ADCY2: variants seen among roughly 807,000 people sequenced by gnomAD.
ADCY2 encodes adenylate cyclase type 2.
ADCY2 carries 31 observed loss-of-function variants against 125.2 expected under a neutral mutation model. The ratio of observed to expected loss-of-function variants is 0.25; its 90% confidence interval spans 0.19 to 0.33. The LOEUF is 0.33. Ranked by LOEUF, ADCY2 falls within the 10% of genes least tolerant of loss-of-function variation. ADCY2 has a pLI of 1.00. For missense variants in ADCY2, 904 were observed against 1,418.2 expected (o/e 0.64, Z 5.82); for synonymous variants, 512 against 548.4 (o/e 0.93, Z 0.93).
At chr5:7,771,067 A>C (rs760222407) in intron 17 of ADCY2, among the ~76,000 whole-genome samples, 15 of 152,204 alleles carry the variant, frequency 9.9e-5, no homozygotes, top group Admixed American at 5.9e-4. Flanking sequence ...TCTTCTAAGC[A>C]ACATGGAGCA....
chr5:7,693,406 GTTTTTTGT>G (rs1740775017), intron 5 of ADCY2, among the ~76,000 whole-genome samples: 31 of 58,626 alleles, frequency 5.3e-4, no homozygotes, highest in South Asian at 7.4e-4. Context: ...ATTGCCTGCT[GTTTTTTGT>G]TTTTTTTTTT....
intron 3 of ADCY2, among the ~76,000 whole-genome samples, chr5:7,558,719 G>A (rs76370469): frequency 6.6e-6 from 1 of 152,230 alleles, no homozygotes; most frequent in South Asian, 2.1e-4. Flanking sequence ...TGCTTCTGTT[G>A]TGATTGCTTT....
intron 15 of ADCY2, among the ~76,000 whole-genome samples, chr5:7,755,068 G>A (rs1742946443): frequency 6.6e-6 from 1 of 152,190 alleles, no homozygotes; most frequent in Non-Finnish European, 1.5e-5. Context: ...CTTGCTGCAT[G>A]ACAGATTTCC....
At chr5:7,470,388 C>G (rs1021990910) in intron 2 of ADCY2, among the ~76,000 whole-genome samples, 1 of 151,226 alleles carries the variant, frequency 6.6e-6, no homozygotes, top group Non-Finnish European at 1.5e-5. Flanking sequence ...TTGTTTAGCT[C>G]TTTTAGAATT....
intron 2 of ADCY2, among the ~76,000 whole-genome samples, chr5:7,427,590 T>C (rs536286579): frequency 8.5e-5 from 13 of 152,196 alleles, no homozygotes; most frequent in African/African-American, 2.6e-4. Context: ...GGAACTACAA[T>C]TGAAGATGAG....
chr5:7,577,794 A>G (rs1041757535), intron 3 of ADCY2, among the ~76,000 whole-genome samples: 4 of 152,214 alleles, frequency 2.6e-5, no homozygotes, highest in Admixed American at 6.5e-5. Context: ...TGAGTTTGTT[A>G]CTTGACTCCC....
intron 24 of ADCY2, 45 bp downstream of exon 24, chr5:7,820,734 T>C: frequency 6.3e-7 from 1 of 1,584,002 alleles, no homozygotes; most frequent in Non-Finnish European, 8.6e-7. Context: ...ACCATGTCTG[T>C]TCTCTTGGGA....
chr5:7,766,785 G>A lies in ADCY2; in HGVS notation c.2193G>A (p.Ala731=), dbSNP rs750860134. Residue 731 remains alanine, a synonymous_variant, in exon 17 of 25, where the codon GCG becomes GCA. Transcript: ENST00000338316. The stretch of plus-strand genomic sequence containing the variant: ...ATAATCAGGTGGCGATTCTGCGTGC[G>A]CAGAATTTATTTTTCCTCCCGGTAA... ...ASNNQVAILR[A]QNLFFLPYFI... The A allele has an allele frequency of 1.9e-5, 30 of 1,609,120 alleles. No homozygotes were observed. The highest frequency in any genetic ancestry group is 1.5e-4 in the South Asian group (13 of 89,642).
intron 7 of ADCY2, among the ~76,000 whole-genome samples, 156 bp from the exon 8 acceptor site, chr5:7,706,588 C>T (rs1442877342): frequency 1.3e-5 from 2 of 152,222 alleles, no homozygotes; most frequent in African/African-American, 4.8e-5. Flanking sequence ...AAAATCCCTT[C>T]TTAGCTCAGA....
At position 7,507,111 on chromosome 5, in the gene ADCY2, TC is replaced by T. The variant is rs149369144; in HGVS notation, c.409-13625del. ...TCACACGCGGGAGGGCTTGTGTTCTTCCAGTGCACATCGAAAGGGAGCCAGG... is the reference window on the plus strand; with the variant it reads ...TCACACGCGGGAGGGCTTGTGTTCTTCAGTGCACATCGAAAGGGAGCCAGG... On this transcript the variant is annotated intron_variant, in intron 2 of 24. Coordinates refer to ENST00000338316, the MANE Select transcript of ADCY2 (RefSeq NM_020546.3). 8.6e-3 allele frequency among the ~76,000 whole-genome samples: 1,297 copies of T among 151,534 alleles called. 25 individuals are homozygous for T. The highest frequency in any genetic ancestry group is 0.029 in the African/African-American group (1,214 of 41,286).
chr5:7,544,413 C>T (rs1735088997), intron 3 of ADCY2, among the ~76,000 whole-genome samples: 1 of 152,190 alleles, frequency 6.6e-6, no homozygotes, highest in South Asian at 2.1e-4. Context: ...TTTCCAGCCT[C>T]CAAAGGCTGC....
chr5:7,656,834 T>C (rs758122982), intron 4 of ADCY2, among the ~76,000 whole-genome samples: 1 of 152,188 alleles, frequency 6.6e-6, no homozygotes, highest in Non-Finnish European at 1.5e-5. Context: ...TCTGCAGTCT[T>C]CTATGACTGA....
At chr5:7,651,248 TAGTC>T (rs1245093653) in intron 4 of ADCY2, among the ~76,000 whole-genome samples, 2 of 152,192 alleles carry the variant, frequency 1.3e-5, no homozygotes, top group Non-Finnish European at 1.5e-5. Flanking sequence ...ATGTCTGTAT[TAGTC>T]AGGGTTCTCT....
chr5:7,588,400 C>T (rs1736702531), intron 3 of ADCY2, among the ~76,000 whole-genome samples: 1 of 152,094 alleles, frequency 6.6e-6, no homozygotes, highest in Non-Finnish European at 1.5e-5. Context: ...ATCAACAGCC[C>T]ACTGGGCCTT....
At chr5:7,715,462 T>C (rs1291082698) in intron 11 of ADCY2, among the ~76,000 whole-genome samples, 2 of 151,528 alleles carry the variant, frequency 1.3e-5, no homozygotes, top group Non-Finnish European at 2.9e-5. Flanking sequence ...GTGGGACTGA[T>C]AAACGTTAAA....
chr5:7,425,348 G>A (rs1740349880), intron 2 of ADCY2, among the ~76,000 whole-genome samples: 1 of 152,196 alleles, frequency 6.6e-6, no homozygotes, highest in Admixed American at 6.5e-5. Flanking sequence ...CCTTGTGTTT[G>A]TCATGGAATT....
intron 4 of ADCY2, among the ~76,000 whole-genome samples, chr5:7,656,204 G>A (rs1312158043): frequency 2.6e-5 from 4 of 152,056 alleles, no homozygotes; most frequent in Non-Finnish European, 4.4e-5. Flanking sequence ...ACAGGCATGT[G>A]CCACCATGCC....
chr5:7,734,580 A>G (rs145071570), intron 14 of ADCY2, among the ~76,000 whole-genome samples: 3 of 152,374 alleles, frequency 2.0e-5, no homozygotes, highest in African/African-American at 7.2e-5. Context: ...AGGGTTAAAA[A>G]GAAGCAGTTT....
chr5:7,603,104 G>A (rs781765842), intron 3 of ADCY2, among the ~76,000 whole-genome samples: 7 of 152,096 alleles, frequency 4.6e-5, no homozygotes, highest in East Asian at 3.9e-4. Context: ...AGTGTCCCAC[G>A]AACAGTATCT....
Sources: allele counts gnomAD v4.1 joint callset (sites outside exome capture counted in the v4.1 genomes callset), GRCh38; gene constraint gnomAD v4.1.1; transcripts MANE v1.5; gene names NCBI Gene and HGNC (gene_info 2026-07-23, HGNC 2026-07-21).